The following EPHA3 variants were observed in gnomAD, a reference collection of about 807,000 sequenced individuals.
EPHA3 encodes the protein EPH receptor A3, also known as ephrin type-A receptor 3.
In EPHA3, 42 loss-of-function variants were observed where a neutral mutation model predicts 107.1. The ratio of observed to expected loss-of-function variants is 0.39; its 90% CI spans 0.31 to 0.51. The LOEUF is 0.51. Ranked by LOEUF, EPHA3 falls within the 20% of genes least tolerant of loss-of-function variation. The pLI, the probability that EPHA3 is intolerant of heterozygous loss-of-function variation, is 0.78. For synonymous variants in EPHA3, 461 were observed against 424.8 expected (o/e 1.09, Z -1.05); for missense variants, 1,183 against 1,211.2 (o/e 0.98, Z 0.35).
intron 5 of EPHA3, among the ~76,000 whole-genome samples, chr3:89,352,658 C>T (rs1274867147): frequency 6.6e-6 from 1 of 150,924 alleles, no homozygotes; most frequent in Non-Finnish European, 1.5e-5. Context: ...AATTCCAGCA[C>T]TTTGGGAGGC....
intron 10 of EPHA3, among the ~76,000 whole-genome samples, chr3:89,417,347 T>C (rs751439124): frequency 6.6e-6 from 1 of 151,424 alleles, no homozygotes; most frequent in Non-Finnish European, 1.5e-5. Flanking sequence ...TCCTGTAAAC[T>C]GACAAGTGAC....
chr3:89,241,256 C>G (rs1464975011), intron 3 of EPHA3, among the ~76,000 whole-genome samples: 1 of 152,050 alleles, frequency 6.6e-6, no homozygotes, highest in African/African-American at 2.4e-5. Flanking sequence ...CAATTACCTC[C>G]ACGTGTCTGG....
chr3:89,269,417 G>A (rs1705611953), intron 3 of EPHA3, among the ~76,000 whole-genome samples: 1 of 151,840 alleles, frequency 6.6e-6, no homozygotes, highest in Non-Finnish European at 1.5e-5. Flanking sequence ...GATGTACAGG[G>A]CATAGAGAAT....
At chr3:89,295,910 A>G (rs758003151) in intron 3 of EPHA3, among the ~76,000 whole-genome samples, 4 of 152,148 alleles carry the variant, frequency 2.6e-5, no homozygotes, top group African/African-American at 9.6e-5. Context: ...CATTTCAACA[A>G]CATTCATAGC....
chr3:89,296,444 G>T (rs1037290767), intron 3 of EPHA3, among the ~76,000 whole-genome samples: 32 of 152,164 alleles, frequency 2.1e-4, no homozygotes, highest in Non-Finnish European at 4.4e-5. Context: ...GTGACTAGGT[G>T]CATTGTCAAT....
In EPHA3 at chr3:89,341,942, G is replaced by A. The variant is rs2107420501; in HGVS notation, c.1158G>A (p.Gln386=). Residue 386 remains glutamine, a synonymous_variant, in exon 5 of 17, where the codon CAG becomes CAA. Coordinates refer to ENST00000336596, the MANE Select transcript of EPHA3 (RefSeq NM_005233.6). The part of the protein sequence containing the change: ...CSPNVRFLPR[Q]FGLTNTTVTV... ...CAAATGTCCGCTTCCTCCCTCGACA[G>A]TTTGGACTCACCAACACCACGGTGA... The A allele has an allele frequency of 6.2e-7, 1 of 1,613,618 alleles. No homozygotes were observed. Among genetic ancestry groups the A allele is most frequent in the Non-Finnish European group, 8.5e-7 (1 of 1,179,954 alleles).
chr3:89,475,017 C>A (rs535265000), intron 16 of EPHA3, among the ~76,000 whole-genome samples: 1 of 152,148 alleles, frequency 6.6e-6, no homozygotes, highest in African/African-American at 2.4e-5. Flanking sequence ...TGTCCTTTCT[C>A]CTCAATTCAG....
In EPHA3 at chr3:89,413,303, A is replaced by G. The variant is rs184256457; in HGVS notation, c.1888+37A>G. 6.7e-5 allele frequency: 108 copies of G among 1,609,924 alleles called. No individual in the cohort carries two copies. The East Asian group carries it at 2.0e-3, about 30-fold the overall frequency. ...GACCCTACTGCCAACTTAGTACTGT[A>G]TGTGAATCACGATTGCTCAGTCTCT... On this transcript the variant is annotated intron_variant, in intron 10 of 16. Transcript: ENST00000336596.
In EPHA3 at chr3:89,352,515, C is replaced by T. The variant is rs369154814; in HGVS notation, c.1306+10425C>T. On this transcript the variant is annotated intron_variant, in intron 5 of 16. Transcript: ENST00000336596. ...ACAGAATAAAGCAATAGTATCCATT[C>T]GTTAAGAAAAGTAAATATCTTTAAT... Among the ~76,000 whole-genome samples, 5 of 150,744 alleles carry T rather than the reference C, an allele frequency of 3.3e-5. No homozygotes were observed. In the South Asian group the frequency reaches 1.0e-3, roughly 32 times the overall value.
intron 2 of EPHA3, among the ~76,000 whole-genome samples, chr3:89,189,892 C>A (rs1306176183): frequency 6.6e-6 from 1 of 152,138 alleles, no homozygotes; most frequent in Non-Finnish European, 1.5e-5. Flanking sequence ...TGTTCAGTAG[C>A]CCTGCCATTT....
intron 15 of EPHA3, 30 bp downstream of exon 15, chr3:89,450,400 C>A (rs369999804): frequency 6.4e-5 from 102 of 1,586,100 alleles, no homozygotes; most frequent in Non-Finnish European, 8.2e-5. Context: ...ATCTGGCATT[C>A]ACTCTGAAAT....
intron 3 of EPHA3, among the ~76,000 whole-genome samples, chr3:89,245,089 T>C (rs1021304955): frequency 6.6e-6 from 1 of 152,236 alleles, no homozygotes; most frequent in African/African-American, 2.4e-5. Flanking sequence ...TGGTTTTGAT[T>C]CACTTTCATT....
At chr3:89,280,855 C>A (rs979059262) in intron 3 of EPHA3, among the ~76,000 whole-genome samples, 16 of 151,956 alleles carry the variant, frequency 1.1e-4, no homozygotes, top group Non-Finnish European at 2.1e-4. Flanking sequence ...TGTAAAACAG[C>A]TAAAGTCTGT....
intron 3 of EPHA3, among the ~76,000 whole-genome samples, chr3:89,255,966 G>C (rs1177271121): frequency 3.9e-5 from 6 of 152,052 alleles, no homozygotes; most frequent in African/African-American, 7.2e-5. Context: ...GCTTACACCT[G>C]TCTGTATACC....
At chr3:89,449,591 G>C (rs1223351614) in intron 14 of EPHA3, among the ~76,000 whole-genome samples, 4 of 152,096 alleles carry the variant, frequency 2.6e-5, no homozygotes, top group Non-Finnish European at 5.9e-5. Context: ...TTAGAAATAA[G>C]ACAAAAGAAA....
intron 2 of EPHA3, among the ~76,000 whole-genome samples, chr3:89,136,574 A>G (rs1704321100): frequency 6.6e-6 from 1 of 151,624 alleles, no homozygotes; most frequent in South Asian, 2.1e-4. Flanking sequence ...TTTATGTTTT[A>G]GGAGATTGGA....
intron 3 of EPHA3, among the ~76,000 whole-genome samples, chr3:89,323,646 A>G (rs1707094349): frequency 6.6e-6 from 1 of 152,092 alleles, no homozygotes; most frequent in Non-Finnish European, 1.5e-5. Flanking sequence ...ATTTTTGAAG[A>G]CAAGTATCTG....
At chr3:89,380,683 G>A (rs1708483542) in intron 5 of EPHA3, among the ~76,000 whole-genome samples, 2 of 151,676 alleles carry the variant, frequency 1.3e-5, no homozygotes, top group East Asian at 1.9e-4. Context: ...AATCAGAGGC[G>A]CTAATCAGCA....
intron 16 of EPHA3, among the ~76,000 whole-genome samples, chr3:89,473,230 G>C (rs1023805919): frequency 1.3e-5 from 2 of 152,064 alleles, no homozygotes; most frequent in African/African-American, 4.8e-5. Flanking sequence ...AGATGAGAAA[G>C]AAAAAATATG....
Sources: gnomAD v4.1 joint callset for allele counts (sites outside exome capture counted in the v4.1 genomes callset) on GRCh38, gnomAD v4.1.1 for gene constraint, MANE v1.5 for transcripts, NCBI Gene and HGNC (gene_info 2026-07-23, HGNC 2026-07-21) for gene names.